ANKS1A: variants seen among roughly 807,000 people sequenced by gnomAD.
The protein encoded by ANKS1A is ankyrin repeat and SAM domain-containing protein 1A.
A neutral mutation model predicts 120.3 loss-of-function variants in ANKS1A; 55 were observed. The ratio of observed to expected loss-of-function variants is 0.46; its 90% CI spans 0.37 to 0.57. ANKS1A has a LOEUF of 0.57. Ranked by LOEUF, ANKS1A falls within the 20% of genes least tolerant of loss-of-function variation. The probability of loss-of-function intolerance (pLI) is 0.00; values close to 1 mark genes in which losing one functional copy is unlikely to be tolerated. For synonymous variants in ANKS1A, 590 were observed against 604.7 expected (o/e 0.98, Z 0.36); for missense variants, 1,123 against 1,480.3 (o/e 0.76, Z 3.96).
intron 13 of ANKS1A, among the ~76,000 whole-genome samples, chr6:35,076,292 G>A (rs1777353024): frequency 2.0e-5 from 3 of 152,176 alleles, no homozygotes; most frequent in South Asian, 4.2e-4. Context: ...GTGTGGTGGC[G>A]TCCCAGCTAC....
intron 10 of ANKS1A, among the ~76,000 whole-genome samples, chr6:35,014,431 T>C (rs979113823): frequency 2.0e-5 from 3 of 152,248 alleles, no homozygotes; most frequent in African/African-American, 7.2e-5. Flanking sequence ...CCTTCCTCCG[T>C]AAGTTTCCAT....
downstream of ANKS1A, among the ~76,000 whole-genome samples, chr6:35,095,482 A>C (rs186488149): frequency 4.6e-3 from 670 of 144,540 alleles, 3 homozygotes; most frequent in Middle Eastern, 0.011. Context: ...GCTTGAACCC[A>C]GGAGGTGGAG....
At chr6:34,946,191 G>A (rs1031737512) in intron 1 of ANKS1A, among the ~76,000 whole-genome samples, 2 of 151,774 alleles carry the variant, frequency 1.3e-5, no homozygotes, top group African/African-American at 4.8e-5. Flanking sequence ...GTGTTGGCTG[G>A]GGTGGTCTTG....
At chr6:35,025,480 A>G (rs888796174) in intron 11 of ANKS1A, among the ~76,000 whole-genome samples, 5 of 151,688 alleles carry the variant, frequency 3.3e-5, no homozygotes, top group African/African-American at 7.3e-5. Context: ...CACGTCTCTA[A>G]CTGGACAGGT....
intron 1 of ANKS1A, among the ~76,000 whole-genome samples, chr6:34,933,296 G>T (rs1769081668): frequency 6.6e-6 from 1 of 152,202 alleles, no homozygotes. Flanking sequence ...TGGCGAAATA[G>T]ATTTTTTTTG....
intron 1 of ANKS1A, among the ~76,000 whole-genome samples, chr6:34,924,026 G>T (rs919430908): frequency 8.6e-5 from 13 of 152,044 alleles, no homozygotes; most frequent in African/African-American, 3.1e-4. Flanking sequence ...CACTGGGAAT[G>T]TTGGCTTGGC....
chr6:34,916,380 A>T (rs1395853759), intron 1 of ANKS1A, among the ~76,000 whole-genome samples: 1 of 152,226 alleles, frequency 6.6e-6, no homozygotes, highest in Non-Finnish European at 1.5e-5. Context: ...ACCACAGTAT[A>T]CTTTTCAACA....
At chr6:35,011,712 T>A (rs915795473) in intron 10 of ANKS1A, among the ~76,000 whole-genome samples, 4 of 152,234 alleles carry the variant, frequency 2.6e-5, no homozygotes, top group African/African-American at 9.6e-5. Flanking sequence ...CTACTCAGAA[T>A]AAATCAGTCT....
In ANKS1A at chr6:34,926,924, A is replaced by C. The variant is rs537358295; in HGVS notation, c.197+37325A>C. 2.6e-5 allele frequency among the ~76,000 whole-genome samples: 4 copies of C among 152,208 alleles called. No individual in the cohort carries two copies. The South Asian group carries it at 8.3e-4, about 32-fold the overall frequency. ...TATGGTACAGTATGAAGTAGTTTAT[A>C]ATTATTTAGTGGTTAGGTGTGTGGC... On this transcript the variant is annotated intron_variant, in intron 1 of 23. Coordinates refer to ENST00000360359, the MANE Select transcript of ANKS1A (RefSeq NM_015245.3).
rs1425881962 is a variant in ANKS1A at position 35,090,438 on chromosome 6, A to G, written c.*1829A>G. 1.7e-6 allele frequency: 2 copies of G among 1,184,766 alleles called. No homozygotes were observed. Among genetic ancestry groups the G allele is most frequent in the Non-Finnish European group, 2.1e-6 (2 of 938,834 alleles). The allele number at this position is 1,184,766 out of a possible 1,614,324, so 73.4% of individuals were successfully genotyped here. A position where few individuals can be genotyped will look rare whatever the true frequency, so the allele number is the denominator to read the frequency against. ...AGGTCCGAAAGAAACCGCAGACACT[A>G]CGATGCACTCCTCAAGCTGTCTTTT... On this transcript the variant is annotated 3_prime_UTR_variant, in exon 24 of 24. Transcript: ENST00000360359.
intron 1 of ANKS1A, among the ~76,000 whole-genome samples, chr6:34,953,958 TAAG>T (rs1169823857): frequency 6.6e-6 from 1 of 152,178 alleles, no homozygotes; most frequent in East Asian, 1.9e-4. Flanking sequence ...GCTCAAGGGT[TAAG>T]AAGCCACTAA....
chr6:34,954,006 C>G (rs918965443), intron 1 of ANKS1A, among the ~76,000 whole-genome samples: 17 of 152,046 alleles, frequency 1.1e-4, no homozygotes, highest in African/African-American at 4.1e-4. Context: ...TAAAGGCCCC[C>G]CAAATAATAG....
rs1772565284 is a variant in ANKS1A, at chr6:34,991,723, CATATATACACAT to C, written c.1302+2417_1302+2428del. ...ATATACATATATACACATATATATA[CATATATACACAT>C]ATATATACATATATACACACATATA... On this transcript the variant is annotated intron_variant, in intron 9 of 23. Transcript: ENST00000360359. Among the ~76,000 whole-genome samples the C allele has an allele frequency of 3.6e-5, 3 of 84,236 alleles. No individual in the cohort carries two copies. In the East Asian group the frequency reaches 1.4e-3, roughly 40 times the overall value. 55.3% of individuals were successfully genotyped at this position (84,236 alleles called of 152,430 possible).
At chr6:34,962,111 A>T (rs1770667376) in intron 1 of ANKS1A, among the ~76,000 whole-genome samples, 2 of 152,228 alleles carry the variant, frequency 1.3e-5, no homozygotes, top group African/African-American at 4.8e-5. Flanking sequence ...CATCACCCTG[A>T]TCCATTGTCA....
rs1776325499 is a variant in ANKS1A at position 35,058,534 on chromosome 6, A to G, written c.2078-1613A>G. ...CTGACCATCATCTGTTCTGCAGGAG[A>G]CAGAGGAGAGGGAGTGGAGGCTGGC... On this transcript the variant is annotated intron_variant, in intron 12 of 23. Transcript: ENST00000360359. The surrounding 1 kb of genome is among the most constrained non-coding windows in gnomAD (Gnocchi z 5.1). 2 of 152,326 alleles carry G rather than the reference A, an allele frequency of 1.3e-5. No individual in the cohort carries two copies. The highest frequency in any genetic ancestry group is 2.9e-5 in the Non-Finnish European group (2 of 68,120). 9.4% of individuals were successfully genotyped at this position (152,326 alleles called of 1,614,324 possible). A position where few individuals can be genotyped will look rare whatever the true frequency, so the allele number is the denominator to read the frequency against.
intron 1 of ANKS1A, among the ~76,000 whole-genome samples, chr6:34,899,867 T>C (rs1326347264): frequency 6.6e-6 from 1 of 152,246 alleles, no homozygotes; most frequent in Non-Finnish European, 1.5e-5. Context: ...TGATTCTTGC[T>C]TTTTCAGGTT....
chr6:35,009,536 G>A (rs1279503939), intron 10 of ANKS1A, among the ~76,000 whole-genome samples: 1 of 152,154 alleles, frequency 6.6e-6, no homozygotes, highest in Non-Finnish European at 1.5e-5. Context: ...TTGGAAATAT[G>A]AGTCTGATGA....
At chr6:35,091,801 T>C (rs182914345), downstream of ANKS1A, among the ~76,000 whole-genome samples, 54 of 152,320 alleles carry the variant, frequency 3.5e-4, no homozygotes, top group African/African-American at 1.2e-3. Context: ...AGTGCTCTCC[T>C]TTCAGGAACT....
chr6:35,000,072 A>G (rs1773078681), intron 10 of ANKS1A, among the ~76,000 whole-genome samples: 1 of 152,156 alleles, frequency 6.6e-6, no homozygotes, highest in Non-Finnish European at 1.5e-5. Context: ...TATAATTGAT[A>G]ATTAAAGGTA....
Sources: gnomAD v4.1 joint callset for allele counts (sites outside exome capture counted in the v4.1 genomes callset) on GRCh38, gnomAD v4.1.1 for gene constraint, Gnocchi (gnomAD v3.1) non-coding constraint, MANE v1.5 for transcripts, NCBI Gene and HGNC (gene_info 2026-07-23, HGNC 2026-07-21) for gene names.